Variants in CHN1 observed in about 807,000 individuals in gnomAD.
The protein encoded by CHN1 is N-chimaerin.
Under a neutral mutation model 59.5 loss-of-function variants are expected in CHN1, and 37 were observed. That is an observed-to-expected ratio of 0.62 (90% CI 0.48 to 0.82). CHN1 has a LOEUF of 0.82. Ranked by LOEUF, CHN1 falls within the 40% of genes least tolerant of loss-of-function variation. CHN1 has a pLI of 0.00. For missense variants in CHN1, 469 were observed against 571.0 expected, an observed-to-expected ratio of 0.82 and a Z score of 1.82; for synonymous variants, 206 against 200.4, an observed-to-expected ratio of 1.03 and a Z score of -0.24.
At chr2:174,952,873 T>C (rs548068545) in intron 1 of CHN1, among the ~76,000 whole-genome samples, 23 of 152,144 alleles carry the variant, frequency 1.5e-4, no homozygotes, top group African/African-American at 5.1e-4. Flanking sequence ...ACAGTATAAA[T>C]AGGAAGTGGA....
chr2:174,980,526 T>A (rs917743227), intron 1 of CHN1, among the ~76,000 whole-genome samples: 1 of 152,160 alleles, frequency 6.6e-6, no homozygotes, highest in Non-Finnish European at 1.5e-5. Context: ...AATAGGAACA[T>A]GCATTATTGG....
intron 6 of CHN1, among the ~76,000 whole-genome samples, chr2:174,855,102 G>A (rs1454090900): frequency 6.6e-6 from 1 of 152,128 alleles, no homozygotes; most frequent in Non-Finnish European, 1.5e-5. Context: ...ATGTGGGATT[G>A]AGACTTAAGC....
At chr2:174,980,417 C>T (rs1691106670) in intron 1 of CHN1, among the ~76,000 whole-genome samples, 1 of 152,258 alleles carries the variant, frequency 6.6e-6, no homozygotes, top group East Asian at 1.9e-4. Flanking sequence ...CCGCTGTGAG[C>T]TCCTCAGAAC....
At chr2:174,983,343 C>G (rs1204328348) in intron 1 of CHN1, among the ~76,000 whole-genome samples, 1 of 151,984 alleles carries the variant, frequency 6.6e-6, no homozygotes, top group Non-Finnish European at 1.5e-5. Context: ...TTCCACTGTT[C>G]TTAGGTTAAC....
At chr2:174,983,386 G>T (rs1039050375) in intron 1 of CHN1, among the ~76,000 whole-genome samples, 4 of 152,070 alleles carry the variant, frequency 2.6e-5, no homozygotes, top group African/African-American at 9.7e-5. Flanking sequence ...GTGTGAGGGG[G>T]ATGTGATAAT....
At chr2:174,867,303 G>A (rs1380946010) in intron 6 of CHN1, among the ~76,000 whole-genome samples, 1 of 151,762 alleles carries the variant, frequency 6.6e-6, no homozygotes, top group East Asian at 1.9e-4. Flanking sequence ...CCTGAACTCG[G>A]GAGATGGAGG....
At chr2:174,962,980 T>C (rs1385110612) in intron 1 of CHN1, among the ~76,000 whole-genome samples, 1 of 152,208 alleles carries the variant, frequency 6.6e-6, no homozygotes, top group Non-Finnish European at 1.5e-5. Context: ...ATTAAGTATA[T>C]ACCCATAAAA....
chr2:174,891,159 A>AAAAAAAAAAAAAAAAAAAAAC (rs1688036566), intron 5 of CHN1, among the ~76,000 whole-genome samples: 1 of 144,822 alleles, frequency 6.9e-6, no homozygotes, highest in Admixed American at 6.7e-5. Context: ...AAAAAAAAAA[A>AAAAAAAAAAAAAAAAAAAAAC]AAAAAAGAAA....
At chr2:174,967,609 CTTTGGAGAAT>C (rs1690634770) in intron 1 of CHN1, among the ~76,000 whole-genome samples, 1 of 152,100 alleles carries the variant, frequency 6.6e-6, no homozygotes, top group Non-Finnish European at 1.5e-5. Flanking sequence ...TACGAACACT[CTTTGGAGAAT>C]TTTTACTTTT....
At chr2:174,989,022 A>G (rs1193592032) in intron 1 of CHN1, among the ~76,000 whole-genome samples, 1 of 152,196 alleles carries the variant, frequency 6.6e-6, no homozygotes, top group East Asian at 1.9e-4. Context: ...TCAATCTGCT[A>G]AAAGTCCTAT....
At chr2:174,870,400 ATAACT>A (rs1687371036) in intron 6 of CHN1, among the ~76,000 whole-genome samples, 1 of 152,246 alleles carries the variant, frequency 6.6e-6, no homozygotes, top group Admixed American at 6.5e-5. Flanking sequence ...ATGTGTTTTC[ATAACT>A]TAAGTAAAGG....
At chr2:174,837,073 G>T (rs978368149) in intron 7 of CHN1, 1 of 152,174 alleles carries the variant, frequency 6.6e-6, no homozygotes, top group African/African-American at 2.4e-5. Flanking sequence ...TCCAGTGTGG[G>T]CTGGGTTTTC....
intron 3 of CHN1, among the ~76,000 whole-genome samples, chr2:174,918,815 A>G (rs1688922067): frequency 6.6e-6 from 1 of 152,218 alleles, no homozygotes; most frequent in Admixed American, 6.5e-5. Flanking sequence ...AGTTTCTAGA[A>G]TTTAACGAGC....
At chr2:174,917,592 A>T (rs1295185352) in intron 4 of CHN1, among the ~76,000 whole-genome samples, 1 of 152,170 alleles carries the variant, frequency 6.6e-6, no homozygotes, top group Non-Finnish European at 1.5e-5. Flanking sequence ...GATGTTTCAT[A>T]TGATATGGTG....
rs568168658 is a variant in CHN1, at chr2:174,980,312, T to C, written c.19+24582A>G. Reference sequence around the variant, plus strand: ...ACTTGAAAACAAAATACAAAAAAACTCCACAAACCCCCACATAGCAGTTTA... The same window carrying C: ...ACTTGAAAACAAAATACAAAAAAACCCCACAAACCCCCACATAGCAGTTTA... On this transcript the variant is annotated intron_variant, in intron 1 of 12. Transcript: ENST00000409900. Among the ~76,000 whole-genome samples the C allele has an allele frequency of 1.6e-4, 25 of 152,214 alleles. No homozygotes were observed. The South Asian group carries it at 5.2e-3, about 32-fold the overall frequency.
At chr2:174,923,400 A>T (rs896741159) in intron 3 of CHN1, among the ~76,000 whole-genome samples, 2 of 152,234 alleles carry the variant, frequency 1.3e-5, no homozygotes, top group African/African-American at 4.8e-5. Context: ...TCGGCCTCCC[A>T]AAGTGCTGGG....
At chr2:174,879,188 G>A (rs775527933) in intron 5 of CHN1, among the ~76,000 whole-genome samples, 9 of 152,178 alleles carry the variant, frequency 5.9e-5, no homozygotes, top group African/African-American at 9.6e-5. Flanking sequence ...TAAGTAAAGC[G>A]TTAAATGGGA....
intron 8 of CHN1, among the ~76,000 whole-genome samples, chr2:174,812,953 G>A (rs894879577): frequency 2.0e-5 from 3 of 152,064 alleles, no homozygotes; most frequent in African/African-American, 7.2e-5. Flanking sequence ...ATATCTATCT[G>A]TAATCCTTTC....
At chr2:174,838,510 T>C (rs1686172880) in intron 7 of CHN1, among the ~76,000 whole-genome samples, 1 of 152,128 alleles carries the variant, frequency 6.6e-6, no homozygotes. Context: ...CACAGAGACA[T>C]GAAATATTAC....
Sources: gnomAD v4.1 joint callset for allele counts (sites outside exome capture counted in the v4.1 genomes callset) on GRCh38, gnomAD v4.1.1 for gene constraint, MANE v1.5 for transcripts, NCBI Gene and HGNC (gene_info 2026-07-23, HGNC 2026-07-21) for gene names.